The following GRIK4 variants were observed in gnomAD, a reference collection of about 807,000 sequenced individuals.
The protein encoded by GRIK4 is glutamate receptor ionotropic, kainate 4.
GRIK4 carries 40 observed loss-of-function variants against 104.9 expected under a neutral mutation model. The ratio of observed to expected loss-of-function variants is 0.38; its 90% CI spans 0.30 to 0.50. GRIK4 has a LOEUF of 0.50. Among genes scored for constraint, GRIK4 ranks in the 20% least tolerant of loss-of-function variants. The probability of loss-of-function intolerance (pLI) is 0.93; values close to 1 mark genes in which losing one functional copy is unlikely to be tolerated. For missense variants in GRIK4, 1,047 were observed against 1,308.1 expected (o/e 0.80, Z 3.08); for synonymous variants, 485 against 524.9 (o/e 0.92, Z 1.04).
intron 3 of GRIK4, among the ~76,000 whole-genome samples, chr11:120,725,638 T>G (rs1951015651): frequency 6.6e-6 from 1 of 152,330 alleles, no homozygotes; most frequent in African/African-American, 2.4e-5. Flanking sequence ...GTTTCAATTC[T>G]TTGATTCTTT....
At chr11:120,983,797 A>G (rs1759142913) in intron 20 of GRIK4, among the ~76,000 whole-genome samples, 1 of 152,118 alleles carries the variant, frequency 6.6e-6, no homozygotes, top group African/African-American at 2.4e-5. Flanking sequence ...TCAGCCCCCT[A>G]CTAGAGATTG....
intron 5 of GRIK4, among the ~76,000 whole-genome samples, chr11:120,817,485 C>G (rs757778219): frequency 2.6e-5 from 4 of 152,142 alleles, no homozygotes; most frequent in Non-Finnish European, 4.4e-5. Context: ...CTGATTCTCC[C>G]CTGCTCCAGG....
chr11:120,905,202 G>A lies in GRIK4; in HGVS notation c.1273-88G>A, dbSNP rs972109447. ...CCTCCTTCTGCCCCATGTCCTCCCC[G>A]ACCCTCTGTGCCCCTGGCCCTCCCC... On this transcript the variant is annotated intron_variant, in intron 12 of 20. Coordinates refer to ENST00000527524, the MANE Select transcript of GRIK4 (RefSeq NM_014619.5). This position sits in a 1 kb window ranked among gnomAD's most constrained non-coding sequence, Gnocchi z 5.1. 6 of 945,170 alleles carry A rather than the reference G, an allele frequency of 6.3e-6. No individual in the cohort carries two copies. The highest frequency in any genetic ancestry group is 3.2e-5 in the African/African-American group (2 of 61,970). 58.5% of individuals were successfully genotyped at this position (945,170 alleles called of 1,614,324 possible). A position where few individuals can be genotyped will look rare whatever the true frequency, so the allele number is the denominator to read the frequency against.
intron 2 of GRIK4, among the ~76,000 whole-genome samples, chr11:120,658,269 T>C (rs1949745809): frequency 6.6e-6 from 1 of 152,230 alleles, no homozygotes; most frequent in Non-Finnish European, 1.5e-5. Context: ...ATATAATGTA[T>C]TTCTCCATCG....
intron 14 of GRIK4, among the ~76,000 whole-genome samples, chr11:120,944,155 T>C (rs1283589572): frequency 6.6e-6 from 1 of 151,924 alleles, no homozygotes; most frequent in African/African-American, 2.4e-5. Context: ...TCTCTGTCTC[T>C]CTCTCTCTCT....
Position 120,905,184 on chromosome 11 carries a change from C to T in GRIK4, c.1273-106C>T. On this transcript the variant is annotated intron_variant, in intron 12 of 20. Coordinates refer to ENST00000527524, the MANE Select transcript of GRIK4 (RefSeq NM_014619.5). The surrounding 1 kb of genome is among the most constrained non-coding windows in gnomAD (Gnocchi z 5.1). ...CATTACCCACGTCAGTTTCCTCCTT[C>T]TGCCCCATGTCCTCCCCGACCCTCT... 1 of 805,976 alleles carries T rather than the reference C, an allele frequency of 1.2e-6. No homozygotes were observed. Among genetic ancestry groups the T allele is most frequent in the East Asian group, 2.4e-5 (1 of 41,222 alleles). 49.9% of individuals were successfully genotyped at this position (805,976 alleles called of 1,614,324 possible).
At chr11:120,852,724 T>G (rs4430518) in intron 8 of GRIK4, among the ~76,000 whole-genome samples, 44,977 of 152,060 alleles carry the variant, frequency 0.3, 7,074 homozygotes, top group Admixed American at 0.41. Flanking sequence ...TTGATGCAGA[T>G]AAATAGACAG....
intron 1 of GRIK4, among the ~76,000 whole-genome samples, chr11:120,521,174 C>T (rs1453915234): frequency 6.6e-6 from 1 of 152,060 alleles, no homozygotes; most frequent in East Asian, 1.9e-4. Context: ...TAGCTTGAAC[C>T]TCCTGGGTTC....
At chr11:120,863,068 T>A (rs1397253821) in intron 9 of GRIK4, among the ~76,000 whole-genome samples, 1 of 152,052 alleles carries the variant, frequency 6.6e-6, no homozygotes, top group Non-Finnish European at 1.5e-5. Flanking sequence ...GGCTTTACAG[T>A]TTATATTTTT....
intron 3 of GRIK4, among the ~76,000 whole-genome samples, chr11:120,759,409 C>T (rs1393177510): frequency 6.6e-6 from 1 of 152,186 alleles, no homozygotes; most frequent in Non-Finnish European, 1.5e-5. Context: ...TCTCTTCACT[C>T]CACTGTCCAC....
intron 3 of GRIK4, among the ~76,000 whole-genome samples, chr11:120,795,690 G>C (rs1043059304): frequency 6.6e-6 from 1 of 152,174 alleles, no homozygotes. Flanking sequence ...ATTTCTGTGG[G>C]AGTTCAAAGG....
At chr11:120,598,843 A>T (rs1948841285) in intron 1 of GRIK4, among the ~76,000 whole-genome samples, 1 of 152,206 alleles carries the variant, frequency 6.6e-6, no homozygotes, top group Admixed American at 6.5e-5. Flanking sequence ...ATGCCTAAGT[A>T]CTTTTTACAT....
chr11:120,539,712 C>G (rs1343058435), intron 1 of GRIK4, among the ~76,000 whole-genome samples: 1 of 152,182 alleles, frequency 6.6e-6, no homozygotes, highest in East Asian at 1.9e-4. Context: ...CCCAGCTGAA[C>G]AGAGTCACCA....
At chr11:120,691,289 A>G (rs1175116405) in intron 3 of GRIK4, among the ~76,000 whole-genome samples, 1 of 152,188 alleles carries the variant, frequency 6.6e-6, no homozygotes, top group Non-Finnish European at 1.5e-5. Context: ...GAGAGCTCAG[A>G]AGCTCAGAAG....
chr11:120,979,923 C>A (rs1026797586), intron 19 of GRIK4, among the ~76,000 whole-genome samples: 1 of 152,194 alleles, frequency 6.6e-6, no homozygotes, highest in Admixed American at 6.5e-5. Context: ...CAGCCTCCAC[C>A]TCTTGGGTTC....
intron 3 of GRIK4, among the ~76,000 whole-genome samples, chr11:120,771,867 G>A (rs1341995622): frequency 1.3e-5 from 2 of 152,252 alleles, no homozygotes; most frequent in South Asian, 2.1e-4. Context: ...GAAAATTGCT[G>A]CAGGAGTGAG....
intron 8 of GRIK4, among the ~76,000 whole-genome samples, chr11:120,855,834 A>T (rs1416244466): frequency 3.9e-5 from 6 of 152,238 alleles, no homozygotes; most frequent in Non-Finnish European, 8.8e-5. Flanking sequence ...AAATGCTGGG[A>T]TTATAGGCGT....
At chr11:120,650,257 C>A (rs565441841) in intron 1 of GRIK4, among the ~76,000 whole-genome samples, 2 of 152,210 alleles carry the variant, frequency 1.3e-5, no homozygotes, top group Non-Finnish European at 1.5e-5. Flanking sequence ...CAATGCAGAG[C>A]CTTATCCTAG....
chr11:120,729,169 A>G (rs1395394994), intron 3 of GRIK4, among the ~76,000 whole-genome samples: 1 of 152,188 alleles, frequency 6.6e-6, no homozygotes, highest in Non-Finnish European at 1.5e-5. Flanking sequence ...CTGTTGACGG[A>G]CACTTAAGTT....
Sources: gnomAD v4.1 joint callset for allele counts (sites outside exome capture counted in the v4.1 genomes callset) on GRCh38, gnomAD v4.1.1 for gene constraint, Gnocchi (gnomAD v3.1) non-coding constraint, MANE v1.5 for transcripts, NCBI Gene and HGNC (gene_info 2026-07-23, HGNC 2026-07-21) for gene names.